RIMBP2: variants seen among roughly 807,000 people sequenced by gnomAD.
RIMBP2 encodes the protein RIMS binding protein 2.
RIMBP2 carries 48 observed loss-of-function variants against 118.6 expected under a neutral mutation model. The observed-to-expected ratio is 0.40, with a 90% CI of 0.32 to 0.51. The LOEUF (loss-of-function observed/expected upper bound fraction) is 0.51. Ranked by LOEUF, RIMBP2 falls within the 20% of genes least tolerant of loss-of-function variation. RIMBP2 has a pLI of 0.41. For synonymous variants in RIMBP2, 762 were observed against 742.9 expected, an observed-to-expected ratio of 1.03 and a Z score of -0.42; for missense variants, 1,551 against 1,768.3, an observed-to-expected ratio of 0.88 and a Z score of 2.20.
Position 130,555,881 on chromosome 12 carries a change from T to C in RIMBP2, c.-216-37964A>G, listed in dbSNP as rs574149976. Among the ~76,000 whole-genome samples the C allele has an allele frequency of 2.4e-4, 37 of 152,234 alleles. No homozygotes were observed. The South Asian group carries it at 4.6e-3, about 19-fold the overall frequency. On this transcript the variant is annotated intron_variant, in intron 2 of 22. Coordinates refer to ENST00000690449, the MANE Select transcript of RIMBP2 (RefSeq NM_001393629.1). ...CTGGTTCCATTCTGAGCAATAATCA[T>C]GAAAGGCAGCCGTGCAGGCCGGCTC...
chr12:130,696,922 G>A (rs1241835883), intron 1 of RIMBP2, among the ~76,000 whole-genome samples: 3 of 152,198 alleles, frequency 2.0e-5, no homozygotes, highest in Non-Finnish European at 4.4e-5. Flanking sequence ...AGCATGTTTT[G>A]AAAGCTACAA....
intron 21 of RIMBP2, among the ~76,000 whole-genome samples, chr12:130,403,502 C>T (rs1435350371): frequency 6.6e-6 from 1 of 152,152 alleles, no homozygotes; most frequent in African/African-American, 2.4e-5. Context: ...ATGAAAAGTA[C>T]ATTCCTCTGA....
chr12:130,613,947 A>G (rs926937852), intron 2 of RIMBP2, among the ~76,000 whole-genome samples: 2 of 152,114 alleles, frequency 1.3e-5, no homozygotes, highest in Non-Finnish European at 2.9e-5. Context: ...GACAGCAGAG[A>G]GGGAGGGAGG....
chr12:130,431,296 A>G lies in RIMBP2; in HGVS notation c.2254-2959T>C. 4.8e-6 allele frequency: 1 copy of G among 209,018 alleles called. No homozygotes were observed. Among genetic ancestry groups the G allele is most frequent in the Non-Finnish European group, 1.1e-5 (1 of 94,372 alleles). The allele number at this position is 209,018 out of a possible 1,614,324, so 12.9% of individuals were successfully genotyped here. On this transcript the variant is annotated intron_variant, in intron 14 of 22. Transcript: ENST00000690449. This position sits in a 1 kb window ranked among gnomAD's most constrained non-coding sequence, Gnocchi z 4.0. ...GTCTTGGAGCAGATGGGATAGCGCC[A>G]GGGGGTAAGGGCTCATGTGACGGGG...
intron 1 of RIMBP2, among the ~76,000 whole-genome samples, chr12:130,657,035 T>C (rs180689035): frequency 2.6e-5 from 4 of 152,376 alleles, no homozygotes; most frequent in African/African-American, 7.2e-5. Context: ...CCTGGGACTA[T>C]AGGTGTGTAC....
At chr12:130,574,038 C>T (rs540972303) in intron 2 of RIMBP2, among the ~76,000 whole-genome samples, 1 of 152,154 alleles carries the variant, frequency 6.6e-6, no homozygotes, top group South Asian at 2.1e-4. Context: ...GTTTTCACAT[C>T]GAGGGATTAT....
rs2062871305 is a variant in RIMBP2, at chr12:130,646,056, TCACCAC to T, written c.-351-17606_-351-17601del. ...GCAGCCAGTTCCCTCTCCACCTCCC[TCACCAC>T]CTGCCTCTCCACCTCCCTCACCACT... On this transcript the variant is annotated intron_variant, in intron 1 of 22. Coordinates refer to ENST00000690449, the MANE Select transcript of RIMBP2 (RefSeq NM_001393629.1). 4.7e-5 allele frequency among the ~76,000 whole-genome samples: 6 copies of T among 126,328 alleles called. No homozygotes were observed. The Admixed American group carries it at 4.9e-4, about 10-fold the overall frequency. The allele number at this position is 126,328 out of a possible 152,430, so 82.9% of individuals were successfully genotyped here.
intron 1 of RIMBP2, among the ~76,000 whole-genome samples, chr12:130,706,671 C>T (rs1458024342): frequency 6.6e-6 from 1 of 152,260 alleles, no homozygotes; most frequent in Non-Finnish European, 1.5e-5. Flanking sequence ...AGTGACTTAA[C>T]CTTTCTGGGT....
chr12:130,539,542 T>C (rs1267589471), intron 2 of RIMBP2, among the ~76,000 whole-genome samples: 1 of 145,608 alleles, frequency 6.9e-6, no homozygotes, highest in Non-Finnish European at 1.5e-5. Flanking sequence ...GTTGATGAGG[T>C]GGCCAGGTGT....
intron 4 of RIMBP2, among the ~76,000 whole-genome samples, chr12:130,491,654 C>T (rs2048651734): frequency 6.6e-6 from 1 of 152,162 alleles, no homozygotes; most frequent in Non-Finnish European, 1.5e-5. Context: ...CAAGGATTCC[C>T]AAAGGGAGTC....
intron 7 of RIMBP2, among the ~76,000 whole-genome samples, chr12:130,456,087 G>GA (rs1263854845): frequency 1.4e-4 from 21 of 152,218 alleles, no homozygotes; most frequent in Admixed American, 3.9e-4. Context: ...AACGAACACA[G>GA]AGAAATGAGC....
At chr12:130,603,522 G>A (rs1216795504) in intron 2 of RIMBP2, among the ~76,000 whole-genome samples, 1 of 152,178 alleles carries the variant, frequency 6.6e-6, no homozygotes, top group East Asian at 1.9e-4. Context: ...CATGTGCCCA[G>A]TATGATATTT....
intron 2 of RIMBP2, among the ~76,000 whole-genome samples, chr12:130,606,603 T>C (rs1173096937): frequency 6.6e-6 from 1 of 152,148 alleles, no homozygotes; most frequent in Non-Finnish European, 1.5e-5. Flanking sequence ...GCAAAACTCT[T>C]AGTGGCTTCC....
chr12:130,466,681 A>G (rs1483817733), intron 6 of RIMBP2, among the ~76,000 whole-genome samples: 5 of 152,204 alleles, frequency 3.3e-5, no homozygotes, highest in Non-Finnish European at 5.9e-5. Flanking sequence ...ATTTGCACAC[A>G]CAGAGATTCC....
At chr12:130,399,385 T>C (rs999671559) in intron 22 of RIMBP2, among the ~76,000 whole-genome samples, 4 of 152,180 alleles carry the variant, frequency 2.6e-5, no homozygotes, top group Admixed American at 2.0e-4. Flanking sequence ...AGCCATCCCC[T>C]TTTCACTCTT....
At chr12:130,699,687 C>T (rs745541559) in intron 1 of RIMBP2, among the ~76,000 whole-genome samples, 3 of 151,682 alleles carry the variant, frequency 2.0e-5, no homozygotes, top group Non-Finnish European at 4.4e-5. Flanking sequence ...ATGTAACAAA[C>T]CTGCACATTG....
At chr12:130,440,160 G>A (rs1488463100) in intron 11 of RIMBP2, among the ~76,000 whole-genome samples, 2 of 117,464 alleles carry the variant, frequency 1.7e-5, no homozygotes, top group Non-Finnish European at 3.6e-5. Flanking sequence ...GGCTAACCCT[G>A]GCCGTACCTG....
At chr12:130,676,396 G>A (rs935902750) in intron 1 of RIMBP2, among the ~76,000 whole-genome samples, 18 of 151,162 alleles carry the variant, frequency 1.2e-4, no homozygotes, top group African/African-American at 2.2e-4. Flanking sequence ...AGGCCAAGGC[G>A]GGCAGATCAC....
At chr12:130,521,293 T>C (rs1413020632) in intron 2 of RIMBP2, among the ~76,000 whole-genome samples, 2 of 152,210 alleles carry the variant, frequency 1.3e-5, no homozygotes, top group South Asian at 4.1e-4. Context: ...ATCACCTATG[T>C]GCTGGTTGCA....
Sources: gnomAD v4.1 joint callset for allele counts (sites outside exome capture counted in the v4.1 genomes callset) on GRCh38, gnomAD v4.1.1 for gene constraint, Gnocchi (gnomAD v3.1) non-coding constraint, MANE v1.5 for transcripts, NCBI Gene and HGNC (gene_info 2026-07-23, HGNC 2026-07-21) for gene names.